Variants in HIPK2 observed in about 807,000 individuals in gnomAD.
HIPK2 encodes homeodomain interacting protein kinase 2.
In HIPK2, 27 loss-of-function variants were observed where a neutral mutation model predicts 113.7. The ratio of observed to expected loss-of-function variants is 0.24; its 90% CI spans 0.17 to 0.33. The LOEUF (loss-of-function observed/expected upper bound fraction) is 0.33. HIPK2 is among the 10% of genes least tolerant of loss of function. The pLI is 1.00. For synonymous variants in HIPK2, 631 were observed against 642.2 expected, an observed-to-expected ratio of 0.98 and a Z score of 0.26; for missense variants, 1,257 against 1,588.0, an observed-to-expected ratio of 0.79 and a Z score of 3.54.
intron 1 of HIPK2, among the ~76,000 whole-genome samples, chr7:139,752,406 C>T (rs1198309099): frequency 2.0e-5 from 3 of 152,102 alleles, no homozygotes; most frequent in African/African-American, 4.8e-5. Flanking sequence ...GCCCTCTGTC[C>T]GGCCGTGCAG....
rs1797961664 is a variant in HIPK2 at position 139,561,976 on chromosome 7, T to C, written c.*10951A>G. The stretch of plus-strand genomic sequence containing the variant: ...AAGCATTTTAGTAGCAAGGACTTGA[T>C]CAGTTAAGAATTAGTTTTCTTGTAA... On this transcript the variant is annotated 3_prime_UTR_variant, in exon 15 of 15. Transcript: ENST00000406875. 6.6e-6 allele frequency: 1 copy of C among 152,194 alleles called. No homozygotes were observed. The highest frequency in any genetic ancestry group is 2.4e-5 in the African/African-American group (1 of 41,450). The allele number at this position is 152,194 out of a possible 1,614,324, so 9.4% of individuals were successfully genotyped here.
At chr7:139,727,044 G>A (rs772840121) in intron 1 of HIPK2, among the ~76,000 whole-genome samples, 3 of 152,200 alleles carry the variant, frequency 2.0e-5, no homozygotes, top group Non-Finnish European at 4.4e-5. Flanking sequence ...ATGGGCGCAA[G>A]GTCATGGGTG....
chr7:139,580,561 A>G (rs914916773), intron 13 of HIPK2, among the ~76,000 whole-genome samples: 1 of 152,222 alleles, frequency 6.6e-6, no homozygotes, highest in Non-Finnish European at 1.5e-5. Context: ...TGCCTTGTCC[A>G]GCTACTCTCC....
chr7:139,764,151 AACAC>A (rs1796515840), intron 1 of HIPK2, among the ~76,000 whole-genome samples: 1 of 152,230 alleles, frequency 6.6e-6, no homozygotes, highest in Non-Finnish European at 1.5e-5. Flanking sequence ...TTTAAACAGA[AACAC>A]ACATAAAACA....
At chr7:139,742,928 T>C (rs994048916) in intron 1 of HIPK2, among the ~76,000 whole-genome samples, 1 of 152,176 alleles carries the variant, frequency 6.6e-6, no homozygotes, top group Non-Finnish European at 1.5e-5. Context: ...GAACAATCAA[T>C]AACGTCTGTC....
In HIPK2 at chr7:139,572,937, G is replaced by A. The variant is rs1798346870; in HGVS notation, c.3587C>T (p.Pro1196Leu). 4.2e-6 allele frequency: 4 copies of A among 942,500 alleles called. No homozygotes were observed. Among genetic ancestry groups the A allele is most frequent in the Non-Finnish European group, 6.0e-6 (4 of 668,064 alleles). The allele number at this position is 942,500 out of a possible 1,614,324, so 58.4% of individuals were successfully genotyped here. The part of the protein sequence containing the change: ...PLSPAKVNQY[P>L]YI ...CCTCCCCTCCAGTGTTTATATGTAA[G>A]GGTACTGGTTGACCTTGGCGGGGCT... Residue 1196 changes from proline to leucine, a missense_variant, in exon 15 of 15, where the codon CCT (proline) becomes CTT (leucine). By Grantham distance (98) the Pro-to-Leu change is moderately conservative. This residue lies in a region of HIPK2 where 862 missense variants were observed against 1,004.3 expected (regional missense o/e 0.86). Transcript: ENST00000406875.
intron 1 of HIPK2, among the ~76,000 whole-genome samples, chr7:139,751,498 C>T (rs918931242): frequency 7.1e-6 from 1 of 141,508 alleles, no homozygotes. Context: ...ACAGCTGGGA[C>T]CTTTGGGGAA....
At position 139,777,636 on chromosome 7, in the gene HIPK2, G is replaced by C; in HGVS notation, c.-13C>G. The C allele has an allele frequency of 1.7e-5, 19 of 1,090,828 alleles. No individual in the cohort carries two copies. The highest frequency in any genetic ancestry group is 2.1e-5 in the Non-Finnish European group (19 of 896,254). 67.6% of individuals were successfully genotyped at this position (1,090,828 alleles called of 1,614,324 possible). ...ACACGGGGGCCATCGGGGCCGGGGT[G>C]TCCGCGGTTCATGGCAACGGGGACG... On this transcript the variant is annotated 5_prime_UTR_variant, in exon 1 of 15. Transcript: ENST00000406875.
At chr7:139,719,465 T>G (rs960793762) in intron 1 of HIPK2, among the ~76,000 whole-genome samples, 1 of 152,158 alleles carries the variant, frequency 6.6e-6, no homozygotes, top group Admixed American at 6.5e-5. Flanking sequence ...CTGGCAGCTA[T>G]CATCCATTCA....
In HIPK2 at chr7:139,581,175, G is replaced by A. The variant is rs1397666227; in HGVS notation, c.2965+2642C>T. Among the ~76,000 whole-genome samples, 22 of 152,114 alleles carry A rather than the reference G, an allele frequency of 1.4e-4. 1 individual carries two copies. The highest frequency in any genetic ancestry group is 1.1e-3 in the Admixed American group (17 of 15,270). On this transcript the variant is annotated intron_variant, in intron 13 of 14. Coordinates refer to ENST00000406875, the MANE Select transcript of HIPK2 (RefSeq NM_022740.5). ...GTAGAGGTTGCAGTAAGCCGAGATC[G>A]CGCCACTGCACTCCAGCCTGGGTGA... is the stretch of plus-strand genomic sequence containing the variant.
At chr7:139,698,354 T>C (rs1234926786) in intron 2 of HIPK2, among the ~76,000 whole-genome samples, 1 of 152,230 alleles carries the variant, frequency 6.6e-6, no homozygotes, top group Non-Finnish European at 1.5e-5. Flanking sequence ...TATACGTTCA[T>C]CCACTGATGG....
At chr7:139,580,816 T>G (rs1798643660) in intron 13 of HIPK2, among the ~76,000 whole-genome samples, 2 of 152,356 alleles carry the variant, frequency 1.3e-5, no homozygotes, top group Middle Eastern at 3.4e-3. Flanking sequence ...ATGCTTAGTA[T>G]CTGGCATCTA....
intron 2 of HIPK2, among the ~76,000 whole-genome samples, chr7:139,700,877 T>G (rs2116846395): frequency 6.6e-6 from 1 of 152,300 alleles, no homozygotes; most frequent in Non-Finnish European, 1.5e-5. Context: ...TAGTAGGTAT[T>G]CAAAATCACT....
chr7:139,705,382 CTT>C (rs1452229620), intron 2 of HIPK2, among the ~76,000 whole-genome samples: 2 of 146,902 alleles, frequency 1.4e-5, no homozygotes, highest in Admixed American at 1.4e-4. Context: ...TAGTTTCCCC[CTT>C]TTTTTTTTTT....
chr7:139,645,150 C>A (rs1014588778), intron 2 of HIPK2, among the ~76,000 whole-genome samples: 3 of 152,192 alleles, frequency 2.0e-5, no homozygotes, highest in Non-Finnish European at 2.9e-5. Flanking sequence ...GCCCCGAATC[C>A]CCAACTCTCA....
At position 139,711,754 on chromosome 7, in the gene HIPK2, C is replaced by A. The variant is rs552065772; in HGVS notation, c.1103+4178G>T. Among the ~76,000 whole-genome samples the A allele has an allele frequency of 2.2e-3, 335 of 150,398 alleles. 2 individuals carry two copies. Among genetic ancestry groups the A allele is most frequent in the African/African-American group, 7.9e-3 (321 of 40,856 alleles). On this transcript the variant is annotated intron_variant, in intron 2 of 14. Coordinates refer to ENST00000406875, the MANE Select transcript of HIPK2 (RefSeq NM_022740.5). ...ATTTATTGCTTGCTCAAAAAAAAAA[C>A]AAAAAAACTAAAAACAAACAAAATG...
chr7:139,653,152 A>AG (rs1432520772), intron 2 of HIPK2, among the ~76,000 whole-genome samples: 1 of 151,486 alleles, frequency 6.6e-6, no homozygotes, highest in East Asian at 1.9e-4. Context: ...AAAAAAAAAA[A>AG]AAAAAAAAAA....
intron 1 of HIPK2, among the ~76,000 whole-genome samples, chr7:139,743,035 G>A (rs775727245): frequency 2.6e-5 from 4 of 152,228 alleles, no homozygotes; most frequent in Non-Finnish European, 5.9e-5. Flanking sequence ...GCTCTCTGGA[G>A]GACAGTCTAG....
rs1796822275 is a variant in HIPK2 at position 139,777,976 on chromosome 7, G to A, written c.-353C>T. On this transcript the variant is annotated 5_prime_UTR_variant, in exon 1 of 15. Coordinates refer to ENST00000406875, the MANE Select transcript of HIPK2 (RefSeq NM_022740.5). ...GAGCCGGGGGCAGCGCGCGGCCAGG[G>A]CCGGCGGGGCTCAGCTCAGCATGGC... is the stretch of plus-strand genomic sequence containing the variant. Among the ~76,000 whole-genome samples the A allele has an allele frequency of 6.9e-6, 1 of 145,418 alleles. No individual in the cohort carries two copies. The highest frequency in any genetic ancestry group is 6.8e-5 in the Admixed American group (1 of 14,732).
Sources: gnomAD v4.1 joint callset for allele counts (sites outside exome capture counted in the v4.1 genomes callset) on GRCh38, gnomAD v4.1.1 for gene constraint, gnomAD v4.1.1 regional missense constraint, MANE v1.5 for transcripts, NCBI Gene and HGNC (gene_info 2026-07-23, HGNC 2026-07-21) for gene names.